The following CNTN5 variants were observed in gnomAD, a reference collection of about 807,000 sequenced individuals.
CNTN5 encodes the protein contactin 5.
In CNTN5, 77 loss-of-function variants were observed where a neutral mutation model predicts 129.1. The observed-to-expected ratio is 0.60, with a 90% CI of 0.50 to 0.72. CNTN5 has a LOEUF of 0.72. CNTN5 is among the 30% of genes least tolerant of loss of function. The pLI is 0.00. For missense variants in CNTN5, 1,478 were observed against 1,328.8 expected, an observed-to-expected ratio of 1.11 and a Z score of -1.75; for synonymous variants, 509 against 465.6, an observed-to-expected ratio of 1.09 and a Z score of -1.20.
chr11:99,431,582 A>G (rs555606781), intron 2 of CNTN5, among the ~76,000 whole-genome samples: 8 of 152,300 alleles, frequency 5.3e-5, no homozygotes. Context: ...GGCATTGTAG[A>G]TAGCCCAGGC....
chr11:99,821,518 G>C (rs530667864), intron 4 of CNTN5, among the ~76,000 whole-genome samples: 1 of 152,118 alleles, frequency 6.6e-6, no homozygotes, highest in African/African-American at 2.4e-5. Flanking sequence ...ACTTTGATTA[G>C]ACAATTTTTT....
chr11:99,181,162 G>A (rs751414523), intron 1 of CNTN5, among the ~76,000 whole-genome samples: 1 of 152,124 alleles, frequency 6.6e-6, no homozygotes, highest in Non-Finnish European at 1.5e-5. Flanking sequence ...CTAGATTACT[G>A]GGGAGGGGAC....
At chr11:99,523,269 C>A (rs1190325960) in intron 2 of CNTN5, among the ~76,000 whole-genome samples, 1 of 152,152 alleles carries the variant, frequency 6.6e-6, no homozygotes. Flanking sequence ...TTTGAACATA[C>A]TGGTACAGTA....
chr11:99,545,483 T>C (rs186284876), intron 2 of CNTN5, among the ~76,000 whole-genome samples: 74 of 152,316 alleles, frequency 4.9e-4, no homozygotes, highest in African/African-American at 1.6e-3. Context: ...CATATTTAAT[T>C]AAATTAAAAG....
chr11:99,574,154 T>C (rs1949270085), intron 3 of CNTN5, among the ~76,000 whole-genome samples: 1 of 152,164 alleles, frequency 6.6e-6, no homozygotes, highest in African/African-American at 2.4e-5. Context: ...GAACGTGCAG[T>C]GTTTTCTTTT....
chr11:99,688,331 T>C (rs1019241024), intron 3 of CNTN5, among the ~76,000 whole-genome samples: 1 of 152,124 alleles, frequency 6.6e-6, no homozygotes, highest in East Asian at 1.9e-4. Context: ...TGTGAAGCCA[T>C]CATGCCCAGC....
intron 3 of CNTN5, among the ~76,000 whole-genome samples, chr11:99,802,094 C>T (rs1946131777): frequency 6.6e-6 from 1 of 152,174 alleles, no homozygotes; most frequent in Non-Finnish European, 1.5e-5. Context: ...TCTTGTTCTC[C>T]ACCCAGGGTG....
At chr11:99,512,081 G>C (rs1309213747) in intron 2 of CNTN5, among the ~76,000 whole-genome samples, 1 of 152,094 alleles carries the variant, frequency 6.6e-6, no homozygotes, top group African/African-American at 2.4e-5. Context: ...GTAGTGTACA[G>C]TAATGTCCTA....
At chr11:99,108,057 A>G (rs1033568893) in intron 1 of CNTN5, among the ~76,000 whole-genome samples, 3 of 151,290 alleles carry the variant, frequency 2.0e-5, no homozygotes, top group African/African-American at 7.3e-5. Flanking sequence ...ATTCCTTTTT[A>G]GTAAGCTTAA....
At chr11:99,684,426 G>A (rs928297964) in intron 3 of CNTN5, among the ~76,000 whole-genome samples, 1 of 150,038 alleles carries the variant, frequency 6.7e-6, no homozygotes, top group Non-Finnish European at 1.5e-5. Flanking sequence ...ATTGTACAAA[G>A]TTAAAATCCT....
At chr11:99,785,195 A>C (rs1420115947) in intron 3 of CNTN5, among the ~76,000 whole-genome samples, 1 of 152,118 alleles carries the variant, frequency 6.6e-6, no homozygotes, top group Non-Finnish European at 1.5e-5. Context: ...TTGGCCACAT[A>C]AATGTCTTCT....
intron 1 of CNTN5, among the ~76,000 whole-genome samples, chr11:99,318,016 T>G (rs1394259606): frequency 2.6e-5 from 4 of 152,140 alleles, no homozygotes; most frequent in African/African-American, 9.7e-5. Context: ...AAAACTCTGT[T>G]TCAAAATCCA....
intron 3 of CNTN5, among the ~76,000 whole-genome samples, chr11:99,691,960 A>C (rs979110478): frequency 6.6e-6 from 1 of 151,968 alleles, no homozygotes; most frequent in Admixed American, 6.6e-5. Flanking sequence ...TAGGATAGTT[A>C]GTTCTTGTTG....
chr11:99,507,055 A>G (rs1946650015), intron 2 of CNTN5, among the ~76,000 whole-genome samples: 1 of 152,182 alleles, frequency 6.6e-6, no homozygotes, highest in Admixed American at 6.5e-5. Flanking sequence ...TAAAAAGTGT[A>G]TTGTACCTAT....
At chr11:99,799,585 G>C (rs1946051749) in intron 3 of CNTN5, among the ~76,000 whole-genome samples, 1 of 151,980 alleles carries the variant, frequency 6.6e-6, no homozygotes, top group South Asian at 2.1e-4. Flanking sequence ...TGCATCCTAG[G>C]AATGAAGTCT....
At chr11:99,766,297 T>G (rs1302697892) in intron 3 of CNTN5, among the ~76,000 whole-genome samples, 1 of 151,984 alleles carries the variant, frequency 6.6e-6, no homozygotes, top group Non-Finnish European at 1.5e-5. Flanking sequence ...AGAGAAGACA[T>G]TCAGAAATAT....
intron 6 of CNTN5, among the ~76,000 whole-genome samples, chr11:99,859,760 C>G (rs1948150703): frequency 6.6e-6 from 1 of 152,056 alleles, no homozygotes; most frequent in Admixed American, 6.6e-5. Flanking sequence ...TGATGGGCAC[C>G]TAGGTTGATT....
chr11:99,149,286 G>GA (rs1283572645), intron 1 of CNTN5, among the ~76,000 whole-genome samples: 2 of 151,722 alleles, frequency 1.3e-5, no homozygotes, highest in African/African-American at 4.8e-5. Flanking sequence ...AGGAAGAGCA[G>GA]AAAAAGACTT....
intron 8 of CNTN5, among the ~76,000 whole-genome samples, chr11:99,997,777 T>A (rs1939554738): frequency 6.6e-6 from 1 of 151,986 alleles, no homozygotes; most frequent in Non-Finnish European, 1.5e-5. Flanking sequence ...GCAAACCGAA[T>A]CCAGCAGCAC....
Sources: gnomAD v4.1 joint callset for allele counts (sites outside exome capture counted in the v4.1 genomes callset) on GRCh38, gnomAD v4.1.1 for gene constraint, MANE v1.5 for transcripts, NCBI Gene and HGNC (gene_info 2026-07-23, HGNC 2026-07-21) for gene names.